OBI1: variants seen among roughly 807,000 people sequenced by gnomAD.
OBI1 encodes the protein ORC ubiquitin ligase 1.
Under a neutral mutation model 62.4 loss-of-function variants are expected in OBI1, and 59 were observed. The ratio of observed to expected loss-of-function variants is 0.95; its 90% confidence interval spans 0.77 to 1.17. The LOEUF is 1.17. OBI1 is among the 50% of genes most tolerant of loss of function. The pLI is 0.00. For missense variants in OBI1, 875 were observed against 830.9 expected (o/e 1.05, Z -0.65); for synonymous variants, 302 against 292.8 (o/e 1.03, Z -0.32).
chr13:78,638,709 T>A, intron 4 of OBI1, 114 bp downstream of exon 4: 1 of 955,852 alleles, frequency 1.0e-6, no homozygotes, highest in Non-Finnish European at 1.6e-6. Flanking sequence ...CCAGAGATTC[T>A]GTCCTTTCCT....
intron 1 of OBI1, among the ~76,000 whole-genome samples, chr13:78,648,529 A>T (rs572386077): frequency 2.6e-4 from 38 of 148,336 alleles, no homozygotes; most frequent in African/African-American, 7.9e-4. Context: ...ATCTTTCCAT[A>T]AAAAAAAACA....
At chr13:78,632,109 C>T (rs982106088) in intron 5 of OBI1, among the ~76,000 whole-genome samples, 1 of 152,044 alleles carries the variant, frequency 6.6e-6, no homozygotes, top group Non-Finnish European at 1.5e-5. Flanking sequence ...AAGCCCTGAC[C>T]TCTAATGTGT....
intron 1 of OBI1, among the ~76,000 whole-genome samples, chr13:78,649,381 C>A (rs1023414088): frequency 1.1e-4 from 17 of 152,132 alleles, no homozygotes; most frequent in African/African-American, 4.1e-4. Context: ...GAGGCAGCGG[C>A]CAGATAAGTA....
At chr13:78,637,204 T>C (rs969698942) in intron 4 of OBI1, among the ~76,000 whole-genome samples, 5 of 152,226 alleles carry the variant, frequency 3.3e-5, no homozygotes, top group Non-Finnish European at 5.9e-5. Context: ...ATTCTGAATC[T>C]TTTGTATTCC....
In OBI1 at chr13:78,644,996, A is replaced by G. The variant is rs1340813988; in HGVS notation, c.74T>C (p.Val25Ala). ...PITCHICLGK[V>A]RQPVICINNH... is the part of the protein sequence containing the mutation. ...GTTGATGCATATGACAGGCTGACGT[A>G]CCTTTGAAAAAAGAAATCACTTTTA... Residue 25 changes from valine (V) to alanine (A), a missense_variant and splice_region_variant, in exon 2 of 6, where the codon GTA becomes GCA. Coordinates refer to ENST00000282003, the MANE Select transcript of OBI1 (RefSeq NM_024546.4). The G allele has an allele frequency of 6.2e-7, 1 of 1,608,450 alleles. No individual in the cohort carries two copies. The highest frequency in any genetic ancestry group is 8.5e-7 in the Non-Finnish European group (1 of 1,178,182).
At chr13:78,655,628 C>T (rs1228262285) in intron 1 of OBI1, among the ~76,000 whole-genome samples, 1 of 152,180 alleles carries the variant, frequency 6.6e-6, no homozygotes, top group East Asian at 1.9e-4. Flanking sequence ...AGATTTAATG[C>T]CCTGCCCTCA....
At chr13:78,626,681 C>T (rs1162691016) in intron 5 of OBI1, among the ~76,000 whole-genome samples, 1 of 152,174 alleles carries the variant, frequency 6.6e-6, no homozygotes, top group Non-Finnish European at 1.5e-5. Context: ...AGAAATTCAG[C>T]ATAGCCAGAG....
chr13:78,654,732 T>C (rs1044400213), intron 1 of OBI1, among the ~76,000 whole-genome samples: 30 of 152,334 alleles, frequency 2.0e-4, no homozygotes, highest in African/African-American at 7.0e-4. Context: ...TCCTGCATTA[T>C]AAGGAAGCTG....
In OBI1 at chr13:78,615,995, A is replaced by G; in HGVS notation, c.1766T>C (p.Leu589Pro). 6.2e-7 allele frequency: 1 copy of G among 1,614,162 alleles called. No homozygotes were observed. The highest frequency in any genetic ancestry group is 1.3e-5 in the African/African-American group (1 of 75,056). The change falls in exon 6 of 6, where the codon CTA becomes CCA. Residue 589 changes from leucine (L) to proline (P), a missense_variant. Transcript: ENST00000282003. ...AGTTAGAGAACCTTTGGAAAGGTTTAGCTCAGTTTTTTCTTCCAACTTATC... is the reference window on the plus strand; with the variant it reads ...AGTTAGAGAACCTTTGGAAAGGTTTGGCTCAGTTTTTTCTTCCAACTTATC... ...EPDKLEEKTE[L>P]NLSKGSLTND...
intron 5 of OBI1, among the ~76,000 whole-genome samples, chr13:78,633,621 C>CT (rs1368533727): frequency 1.3e-5 from 2 of 152,028 alleles, no homozygotes; most frequent in East Asian, 3.9e-4. Flanking sequence ...CATTTGTCAT[C>CT]TTTTTTTTCT....
intron 1 of OBI1, among the ~76,000 whole-genome samples, chr13:78,648,200 TTA>T (rs1876441199): frequency 6.6e-6 from 1 of 151,880 alleles, no homozygotes; most frequent in Non-Finnish European, 1.5e-5. Flanking sequence ...AATTTCATCT[TTA>T]TGTCATGAAA....
chr13:78,657,846 T>C (rs1266775186), intron 1 of OBI1, among the ~76,000 whole-genome samples: 1 of 152,190 alleles, frequency 6.6e-6, no homozygotes, highest in East Asian at 1.9e-4. Flanking sequence ...TCCCTCCCCC[T>C]AGCCGTGCAG....
At position 78,635,186 on chromosome 13, in the gene OBI1, A is replaced by G. The variant is rs1216658276; in HGVS notation, c.562T>C (p.Leu188=). The change falls in exon 5 of 6, where the codon TTG becomes CTG. Residue 188 remains leucine (L), a synonymous_variant. Transcript: ENST00000282003. ...VDKLKEANKK[L]KLENGGLVRE... is the part of the protein sequence containing the mutation. The stretch of plus-strand genomic sequence containing the variant: ...ACCAGACCACCATTTTCCAATTTCA[A>G]TTTTTTATTTGCCTAAAATAACAAA... 3 of 1,599,956 alleles carry G rather than the reference A, an allele frequency of 1.9e-6. No individual in the cohort carries two copies. The South Asian group carries it at 3.4e-5, about 18-fold the overall frequency.
At chr13:78,639,965 AC>A (rs1404568649) in intron 3 of OBI1, among the ~76,000 whole-genome samples, 2 of 151,850 alleles carry the variant, frequency 1.3e-5, no homozygotes, top group East Asian at 3.9e-4. Flanking sequence ...CACAATGTGC[AC>A]ATGTACCCTA....
rs1055421525 is a variant in OBI1, at chr13:78,616,390, T to C, written c.1371A>G (p.Glu457=). 1.2e-6 allele frequency: 2 copies of C among 1,613,138 alleles called. No individual in the cohort carries two copies. The highest frequency in any genetic ancestry group is 1.7e-6 in the Non-Finnish European group (2 of 1,179,552). The change falls in exon 6 of 6, where the codon GAA becomes GAG. Residue 457 remains glutamate (E), a synonymous_variant. Transcript: ENST00000282003. ...ATCCTGTCTTTGGGGAAGAAAAACA[T>C]TCTGATTTCTTTTCATTTTCACTTC... The part of the protein sequence containing the change: ...ISRSENEKKS[E]CFSSPKTGFW...
intron 5 of OBI1, among the ~76,000 whole-genome samples, chr13:78,634,100 A>AC (rs1875946813): frequency 6.7e-6 from 1 of 148,620 alleles, no homozygotes; most frequent in Non-Finnish European, 1.5e-5. Context: ...AAAACAAAAA[A>AC]AAAAAACAAA....
At chr13:78,642,983 A>AT (rs1434259456) in intron 2 of OBI1, among the ~76,000 whole-genome samples, 1 of 152,238 alleles carries the variant, frequency 6.6e-6, no homozygotes, top group African/African-American at 2.4e-5. Context: ...ACTGTAAGTC[A>AT]TGGCATTAAC....
intron 5 of OBI1, among the ~76,000 whole-genome samples, chr13:78,621,358 G>A (rs537442160): frequency 1.3e-5 from 2 of 152,202 alleles, no homozygotes; most frequent in African/African-American, 4.8e-5. Context: ...AATAATAGAC[G>A]TGCTTCATGA....
intron 1 of OBI1, 68 bp downstream of exon 1, chr13:78,658,980 AC>A: frequency 7.0e-7 from 1 of 1,418,668 alleles, no homozygotes; most frequent in Non-Finnish European, 9.9e-7. Flanking sequence ...CCCGCACGAG[AC>A]GGCCCTCGGC....
Sources: gnomAD v4.1 joint callset for allele counts (sites outside exome capture counted in the v4.1 genomes callset) on GRCh38, gnomAD v4.1.1 for gene constraint, MANE v1.5 for transcripts, NCBI Gene and HGNC (gene_info 2026-07-23, HGNC 2026-07-21) for gene names.